The following STPG2 variants were observed in gnomAD, a reference collection of about 807,000 sequenced individuals.
The protein encoded by STPG2 is sperm tail PG-rich repeat containing 2, also known as sperm-tail PG-rich repeat-containing protein 2.
STPG2 carries 56 observed loss-of-function variants against 54.2 expected under a neutral mutation model. The observed-to-expected ratio is 1.03, with a 90% CI of 0.83 to 1.29. The LOEUF is 1.29. Among genes scored for constraint, STPG2 ranks in the 50% most tolerant of loss-of-function variants. The pLI is 0.00. For missense variants in STPG2, 596 were observed against 544.9 expected (o/e 1.09, Z -0.93); for synonymous variants, 200 against 181.8 (o/e 1.10, Z -0.81).
At chr4:97,723,369 A>T (rs775654891) in intron 9 of STPG2, among the ~76,000 whole-genome samples, 1 of 152,028 alleles carries the variant, frequency 6.6e-6, no homozygotes, top group Non-Finnish European at 1.5e-5. Flanking sequence ...TACTTATTGG[A>T]TACTGTGTTC....
intron 9 of STPG2, among the ~76,000 whole-genome samples, chr4:97,786,215 A>G (rs1357347286): frequency 6.6e-6 from 1 of 151,658 alleles, no homozygotes; most frequent in African/African-American, 2.4e-5. Flanking sequence ...AAAAAATCTT[A>G]CCAGGATTTG....
chr4:98,069,184 C>A (rs2110105980), intron 5 of STPG2, among the ~76,000 whole-genome samples: 1 of 152,072 alleles, frequency 6.6e-6, no homozygotes, highest in Non-Finnish European at 1.5e-5. Context: ...AACACTTGCA[C>A]TGTACTATCT....
chr4:97,651,602 T>C (rs1722069329), intron 10 of STPG2, among the ~76,000 whole-genome samples: 1 of 152,052 alleles, frequency 6.6e-6, no homozygotes, highest in African/African-American at 2.4e-5. Flanking sequence ...TAAACTTACA[T>C]TTCAGACTTT....
Position 97,808,292 on chromosome 4 carries a change from C to T in STPG2, c.1204+32481G>A, listed in dbSNP as rs534450916. 9.2e-5 allele frequency among the ~76,000 whole-genome samples: 14 copies of T among 151,764 alleles called. No individual in the cohort carries two copies. The South Asian group carries it at 2.9e-3, about 32-fold the overall frequency. On this transcript the variant is annotated intron_variant, in intron 9 of 10. Transcript: ENST00000295268. ...TCTTGGTTCTAAGGTATAAATAAAT[C>T]AAAATATATGAAAATAATAGCAGAA...
chr4:97,604,848 T>A (rs1733554373), intron 10 of STPG2, among the ~76,000 whole-genome samples: 1 of 151,770 alleles, frequency 6.6e-6, no homozygotes, highest in Non-Finnish European at 1.5e-5. Flanking sequence ...CTTTCCCTTC[T>A]CCATTTCAAA....
At chr4:97,623,152 T>G (rs1734054814) in intron 10 of STPG2, among the ~76,000 whole-genome samples, 1 of 151,928 alleles carries the variant, frequency 6.6e-6, no homozygotes, top group South Asian at 2.1e-4. Flanking sequence ...AGCCTAAAAC[T>G]ATAAAAACTC....
At chr4:98,042,538 C>A (rs556816394) in intron 5 of STPG2, among the ~76,000 whole-genome samples, 6 of 151,450 alleles carry the variant, frequency 4.0e-5, no homozygotes, top group African/African-American at 1.2e-4. Context: ...TTATTCATTT[C>A]AAAAAAAATC....
chr4:98,138,898 G>A (rs906062287), intron 1 of STPG2, among the ~76,000 whole-genome samples: 1 of 152,024 alleles, frequency 6.6e-6, no homozygotes, highest in Admixed American at 6.6e-5. Context: ...CTGATATACA[G>A]CTGATATTTA....
intron 8 of STPG2, among the ~76,000 whole-genome samples, chr4:97,903,191 C>A (rs894938083): frequency 6.6e-6 from 1 of 151,970 alleles, no homozygotes; most frequent in African/African-American, 2.4e-5. Context: ...TGAAATTTGC[C>A]AAGAGAATAG....
At chr4:97,682,053 A>G (rs897254239) in intron 10 of STPG2, among the ~76,000 whole-genome samples, 1 of 151,804 alleles carries the variant, frequency 6.6e-6, no homozygotes, top group Non-Finnish European at 1.5e-5. Context: ...TAATATAGAC[A>G]TGTGTCTGCT....
chr4:98,101,217 G>T (rs1739027960), intron 5 of STPG2, among the ~76,000 whole-genome samples: 1 of 152,076 alleles, frequency 6.6e-6, no homozygotes, highest in Non-Finnish European at 1.5e-5. Flanking sequence ...AGGCAGCTAA[G>T]ACTATGAAAG....
At chr4:98,008,928 T>C (rs554674050) in intron 5 of STPG2, among the ~76,000 whole-genome samples, 1 of 152,240 alleles carries the variant, frequency 6.6e-6, no homozygotes, top group Admixed American at 6.5e-5. Context: ...TTTGTTGGTA[T>C]ACAACTGTTC....
chr4:97,700,348 T>C (rs988547467), intron 10 of STPG2, among the ~76,000 whole-genome samples: 11 of 152,296 alleles, frequency 7.2e-5, no homozygotes, highest in African/African-American at 2.4e-4. Flanking sequence ...ACTCAACAAA[T>C]GGGCCAGAGC....
In STPG2 at chr4:97,560,545, T is replaced by C. The variant is rs146579627; in HGVS notation, c.1321-1428A>G. ...GACACGAGCAATGAAAACATGTTCC[T>C]CTTTAACACTGGATTGAAGGAGATG... is the stretch of plus-strand genomic sequence containing the variant. On this transcript the variant is annotated intron_variant, in intron 10 of 10. Transcript: ENST00000295268. Among the ~76,000 whole-genome samples the C allele has an allele frequency of 4.1e-3, 630 of 152,270 alleles. 3 individuals are homozygous for C. Among genetic ancestry groups the C allele is most frequent in the South Asian group, 0.02 (97 of 4,828 alleles).
At chr4:97,735,387 T>TC (rs1724948553) in intron 9 of STPG2, among the ~76,000 whole-genome samples, 1 of 151,158 alleles carries the variant, frequency 6.6e-6, no homozygotes, top group Non-Finnish European at 1.5e-5. Context: ...ACAATGTACT[T>TC]TAGAGACTCA....
At chr4:97,663,154 A>T (rs1473362393) in intron 10 of STPG2, among the ~76,000 whole-genome samples, 1 of 152,148 alleles carries the variant, frequency 6.6e-6, no homozygotes, top group Admixed American at 6.5e-5. Flanking sequence ...TATTATTGAG[A>T]TGATAAACTG....
rs372815390 is a variant in STPG2 at position 98,101,876 on chromosome 4, C to T, written c.612+4077G>A. 9.3e-5 allele frequency among the ~76,000 whole-genome samples: 14 copies of T among 151,002 alleles called. No individual in the cohort carries two copies. The East Asian group carries it at 1.4e-3, about 15-fold the overall frequency. On this transcript the variant is annotated intron_variant, in intron 5 of 10. Transcript: ENST00000295268. ...TGATTTCATTATCTTCCCCCTCCCC[C>T]CCGACCTTAGCCTTGATTCCAAGAT... is the stretch of plus-strand genomic sequence containing the variant.
At chr4:97,746,638 C>A (rs1725427711) in intron 9 of STPG2, among the ~76,000 whole-genome samples, 1 of 151,052 alleles carries the variant, frequency 6.6e-6, no homozygotes, top group Non-Finnish European at 1.5e-5. Flanking sequence ...AGCTAAATCA[C>A]AAAGGTATTA....
At chr4:97,763,414 G>A (rs575464566) in intron 9 of STPG2, among the ~76,000 whole-genome samples, 1 of 152,198 alleles carries the variant, frequency 6.6e-6, no homozygotes, top group South Asian at 2.1e-4. Flanking sequence ...TAGCAGGAAG[G>A]ATTTTAAAGT....
Sources: allele counts gnomAD v4.1 joint callset (sites outside exome capture counted in the v4.1 genomes callset), GRCh38; gene constraint gnomAD v4.1.1; transcripts MANE v1.5; gene names NCBI Gene and HGNC (gene_info 2026-07-23, HGNC 2026-07-21).